CAST: variants seen among roughly 807,000 people sequenced by gnomAD.
CAST encodes the protein calpastatin.
CAST carries 76 observed loss-of-function variants against 119.6 expected under a neutral mutation model. The ratio of observed to expected loss-of-function variants is 0.64; its 90% confidence interval spans 0.53 to 0.77. The LOEUF (loss-of-function observed/expected upper bound fraction) is 0.77. Among genes scored for constraint, CAST ranks in the 30% least tolerant of loss-of-function variants. The pLI is 0.00. For synonymous variants in CAST, 319 were observed against 331.6 expected, an observed-to-expected ratio of 0.96 and a Z score of 0.41; for missense variants, 953 against 946.5, an observed-to-expected ratio of 1.01 and a Z score of -0.09.
At chr5:96,106,398 G>A in the CAST span, among the ~76,000 whole-genome samples, 32 of 152,264 alleles carry the variant, frequency 2.1e-4, no homozygotes, top group South Asian at 8.3e-4. Context: ...CTTTGAATGC[G>A]TCCCAGAGAT....
chr5:96,254,018 A>G, the CAST span, among the ~76,000 whole-genome samples: 7 of 109,152 alleles, frequency 6.4e-5, no homozygotes, highest in Non-Finnish European at 1.1e-4. Context: ...ATTCCTTGGG[A>G]TTGGGGTGGG....
the CAST span, among the ~76,000 whole-genome samples, chr5:96,279,458 A>G: frequency 6.6e-6 from 1 of 152,176 alleles, no homozygotes; most frequent in South Asian, 2.1e-4. Context: ...TCCATGCCCA[A>G]GAATAATATT....
At chr5:96,568,336 A>C (rs960209794) in intron 1 of CAST, among the ~76,000 whole-genome samples, 2 of 152,102 alleles carry the variant, frequency 1.3e-5, no homozygotes, top group Non-Finnish European at 2.9e-5. Context: ...AGGCCGAAGC[A>C]GGCAGATCAC....
the CAST span, among the ~76,000 whole-genome samples, chr5:96,095,120 ATCT>A: frequency 1.3e-5 from 2 of 152,238 alleles, no homozygotes; most frequent in Admixed American, 1.3e-4. Context: ...TTTAGGCTGT[ATCT>A]TGTGTCAGTC....
At chr5:96,510,450 C>T in the CAST span, among the ~76,000 whole-genome samples, 5 of 152,156 alleles carry the variant, frequency 3.3e-5, no homozygotes, top group African/African-American at 4.8e-5. Flanking sequence ...AGAATATCTA[C>T]GCTGAAGCTC....
chr5:96,640,880 C>T (rs928637850), intron 1 of CAST, among the ~76,000 whole-genome samples: 1 of 152,192 alleles, frequency 6.6e-6, no homozygotes, highest in African/African-American at 2.4e-5. Flanking sequence ...CTTCTGGCAG[C>T]ACTCCCAGAA....
chr5:96,458,403 A>C, the CAST span, among the ~76,000 whole-genome samples: 4 of 152,202 alleles, frequency 2.6e-5, no homozygotes, highest in Non-Finnish European at 4.4e-5. Flanking sequence ...AGAAGTCATT[A>C]CTACACTTTG....
the CAST span, among the ~76,000 whole-genome samples, chr5:95,993,412 G>A: frequency 6.6e-6 from 1 of 152,140 alleles, no homozygotes; most frequent in South Asian, 2.1e-4. Context: ...TGTACTGCAA[G>A]GGACATTTGG....
chr5:95,992,841 A>G, the CAST span, among the ~76,000 whole-genome samples: 1 of 152,198 alleles, frequency 6.6e-6, no homozygotes, highest in East Asian at 1.9e-4. Flanking sequence ...TTATTCCAAA[A>G]TAAAAAGTTT....
chr5:96,230,425 TATC>T, the CAST span, among the ~76,000 whole-genome samples: 2 of 152,280 alleles, frequency 1.3e-5, no homozygotes, highest in Non-Finnish European at 2.9e-5. Flanking sequence ...TCCTAATAAT[TATC>T]ATCTGTAAAA....
the CAST span, among the ~76,000 whole-genome samples, chr5:96,092,258 C>T: frequency 6.6e-6 from 1 of 151,996 alleles, no homozygotes. Flanking sequence ...GTTTTTTATT[C>T]TTTCAAAGCG....
chr5:96,284,564 G>C, the CAST span, among the ~76,000 whole-genome samples: 1 of 152,214 alleles, frequency 6.6e-6, no homozygotes, highest in Non-Finnish European at 1.5e-5. Context: ...AGTGGAAAGA[G>C]CCTGGGCTTT....
chr5:96,315,872 A>G, the CAST span, among the ~76,000 whole-genome samples: 1 of 152,066 alleles, frequency 6.6e-6, no homozygotes, highest in Admixed American at 6.5e-5. Context: ...AGTCACATGT[A>G]GGCACTTTGG....
At chr5:96,476,918 T>G in the CAST span, among the ~76,000 whole-genome samples, 2 of 129,646 alleles carry the variant, frequency 1.5e-5, no homozygotes, top group South Asian at 4.8e-4. Context: ...CCAGTCATGA[T>G]GTGGATGGCA....
chr5:96,755,272 G>C (rs893144354), intron 22 of CAST: 4 of 152,362 alleles, frequency 2.6e-5, no homozygotes, highest in Non-Finnish European at 5.9e-5. Flanking sequence ...CCAGGAGGTA[G>C]AGGCTGCAGT....
chr5:96,514,497 G>A, the CAST span, among the ~76,000 whole-genome samples: 46 of 152,270 alleles, frequency 3.0e-4, 2 homozygotes, highest in East Asian at 6.9e-3. Flanking sequence ...ATATCTGGAA[G>A]GGTATTCTAT....
At chr5:96,330,500 T>C in the CAST span, among the ~76,000 whole-genome samples, 2 of 152,348 alleles carry the variant, frequency 1.3e-5, no homozygotes, top group South Asian at 4.1e-4. Flanking sequence ...ACCTTTTCAA[T>C]AGCTCGTCGT....
intron 16 of CAST, among the ~76,000 whole-genome samples, chr5:96,743,994 G>T (rs1042985340): frequency 1.1e-4 from 17 of 152,064 alleles, no homozygotes; most frequent in African/African-American, 4.1e-4. Context: ...GGAAGGGAGG[G>T]TATAAACATG....
At chr5:96,598,783 C>T (rs1370662389) in intron 1 of CAST, among the ~76,000 whole-genome samples, 1 of 152,146 alleles carries the variant, frequency 6.6e-6, no homozygotes, top group East Asian at 1.9e-4. Flanking sequence ...GTGTGGATGG[C>T]CCAATCACAT....
Sources: gnomAD v4.1 joint callset for allele counts (sites outside exome capture counted in the v4.1 genomes callset) on GRCh38, gnomAD v4.1.1 for gene constraint, MANE v1.5 for transcripts, NCBI Gene and HGNC (gene_info 2026-07-23, HGNC 2026-07-21) for gene names.